The following MCHR2 variants were observed in gnomAD, a reference collection of about 807,000 sequenced individuals.
MCHR2 encodes melanin-concentrating hormone receptor 2.
Under a neutral mutation model 24.8 loss-of-function variants are expected in MCHR2, and 15 were observed. The observed-to-expected ratio is 0.60, with a 90% CI of 0.40 to 0.93. The LOEUF (loss-of-function observed/expected upper bound fraction) is 0.93, where lower values mean the gene tolerates loss of function less well. Among genes scored for constraint, MCHR2 ranks in the 40% least tolerant of loss-of-function variants. MCHR2 has a pLI of 0.00. For missense variants in MCHR2, 386 were observed against 408.7 expected, an observed-to-expected ratio of 0.94 and a Z score of 0.48; for synonymous variants, 151 against 147.6, an observed-to-expected ratio of 1.02 and a Z score of -0.17.
At chr6:99,924,812 A>G (rs1243447476) in intron 5 of MCHR2, among the ~76,000 whole-genome samples, 1 of 152,032 alleles carries the variant, frequency 6.6e-6, no homozygotes, top group East Asian at 1.9e-4. Context: ...TTGTTTTGTG[A>G]CCTAACATAT....
rs367659412 is a variant in MCHR2 at position 99,921,168 on chromosome 6, G to A, written c.795C>T (p.Ala265=). The A allele has an allele frequency of 2.5e-6, 4 of 1,614,076 alleles. No individual in the cohort carries two copies. Among genetic ancestry groups the A allele is most frequent in the East Asian group, 2.2e-5 (1 of 44,876 alleles). The part of the protein sequence containing the change: ...VLVVVFILSA[A]PYHVIQLVNL... ...TCACCAGTTGTATCACATGATAAGG[G>A]GCAGCACTCAGGATAAAGACTACCA... The change falls in exon 6 of 6, where the codon GCC becomes GCT. Residue 265 remains alanine (A), a synonymous_variant. Transcript: ENST00000281806.
chr6:99,986,007 A>T (rs1480132394), intron 1 of MCHR2, among the ~76,000 whole-genome samples: 1 of 152,054 alleles, frequency 6.6e-6, no homozygotes, highest in East Asian at 1.9e-4. Flanking sequence ...ATTAAAAAGC[A>T]AGCAATGGAC....
chr6:99,981,816 G>A (rs767089826), intron 1 of MCHR2, among the ~76,000 whole-genome samples: 13 of 150,862 alleles, frequency 8.6e-5, no homozygotes, highest in South Asian at 2.1e-4. Context: ...AGAAACAGTC[G>A]GTGATTAATT....
At chr6:99,944,296 GA>G (rs1233778141) in intron 3 of MCHR2, among the ~76,000 whole-genome samples, 7 of 152,178 alleles carry the variant, frequency 4.6e-5, no homozygotes, top group African/African-American at 1.4e-4. Context: ...AGCTGAGAAT[GA>G]AAAACAAGTT....
At chr6:99,967,659 G>A (rs1003455823) in intron 1 of MCHR2, among the ~76,000 whole-genome samples, 2 of 152,076 alleles carry the variant, frequency 1.3e-5, no homozygotes, top group Non-Finnish European at 2.9e-5. Context: ...ACTGCTAATG[G>A]AAAACCACTG....
At chr6:99,961,726 G>A (rs1296133082) in intron 1 of MCHR2, among the ~76,000 whole-genome samples, 1 of 152,044 alleles carries the variant, frequency 6.6e-6, no homozygotes, top group Non-Finnish European at 1.5e-5. Flanking sequence ...GGCTGGGAGA[G>A]GGATAGCATT....
intron 4 of MCHR2, among the ~76,000 whole-genome samples, chr6:99,941,620 G>T (rs750947114): frequency 5.3e-5 from 8 of 152,138 alleles, no homozygotes; most frequent in Non-Finnish European, 1.0e-4. Flanking sequence ...ACACAAGAGA[G>T]CTTGCTTCCT....
At chr6:99,982,240 C>T (rs1048419340) in intron 1 of MCHR2, among the ~76,000 whole-genome samples, 5 of 151,980 alleles carry the variant, frequency 3.3e-5, no homozygotes, top group African/African-American at 7.3e-5. Context: ...AAATCTGCCT[C>T]CTAAATTAAG....
At chr6:99,936,198 G>C (rs1293983755) in intron 4 of MCHR2, among the ~76,000 whole-genome samples, 2 of 151,888 alleles carry the variant, frequency 1.3e-5, no homozygotes, top group African/African-American at 4.8e-5. Flanking sequence ...AAGCTTTTTA[G>C]TTTGAGGTAA....
intron 5 of MCHR2, among the ~76,000 whole-genome samples, chr6:99,931,432 G>A (rs1774533298): frequency 6.6e-6 from 1 of 152,190 alleles, no homozygotes; most frequent in African/African-American, 2.4e-5. Flanking sequence ...TCTGTGCCCT[G>A]CCCCCAGAGG....
At chr6:99,972,294 G>T (rs1235829947) in intron 1 of MCHR2, among the ~76,000 whole-genome samples, 9 of 152,154 alleles carry the variant, frequency 5.9e-5, no homozygotes, top group Non-Finnish European at 1.3e-4. Flanking sequence ...TCTTGGGAGG[G>T]TGTATGTGTC....
At chr6:99,925,727 T>A (rs1774339210) in intron 5 of MCHR2, among the ~76,000 whole-genome samples, 1 of 151,982 alleles carries the variant, frequency 6.6e-6, no homozygotes, top group African/African-American at 2.4e-5. Flanking sequence ...TTTTAACTTT[T>A]TGTTGTTTCA....
At chr6:99,925,097 T>C (rs1774322334) in intron 5 of MCHR2, among the ~76,000 whole-genome samples, 1 of 152,152 alleles carries the variant, frequency 6.6e-6, no homozygotes, top group African/African-American at 2.4e-5. Context: ...TGGGTGAATA[T>C]ATATTTTAAA....
chr6:99,923,886 T>A (rs1290593581), intron 5 of MCHR2, among the ~76,000 whole-genome samples: 1 of 152,128 alleles, frequency 6.6e-6, no homozygotes, highest in African/African-American at 2.4e-5. Flanking sequence ...TTTTTTGTTG[T>A]GTCTTTGTCT....
At position 99,927,304 on chromosome 6, in the gene MCHR2, C is replaced by G. The variant is rs536155966; in HGVS notation, c.708-6049G>C. Among the ~76,000 whole-genome samples the G allele has an allele frequency of 2.0e-4, 30 of 152,164 alleles. 1 individual carries two copies. The East Asian group carries it at 2.5e-3, about 13-fold the overall frequency. ...AGCTTTGTTCTTTTGGCTTAGGATT[C>G]ACTTGGCGATGTGGGCTCTTTTTTG... is the stretch of plus-strand genomic sequence containing the variant. On this transcript the variant is annotated intron_variant, in intron 5 of 5. Coordinates refer to ENST00000281806, the MANE Select transcript of MCHR2 (RefSeq NM_001040179.2).
intron 5 of MCHR2, among the ~76,000 whole-genome samples, chr6:99,927,278 C>T (rs1368323773): frequency 1.3e-5 from 2 of 152,168 alleles, no homozygotes; most frequent in Non-Finnish European, 2.9e-5. Context: ...ATGATGCCTC[C>T]AGCTTTGTTC....
At chr6:99,967,290 A>G (rs1457666802) in intron 1 of MCHR2, among the ~76,000 whole-genome samples, 1 of 152,138 alleles carries the variant, frequency 6.6e-6, no homozygotes, top group Non-Finnish European at 1.5e-5. Context: ...CAATTTATTC[A>G]TGATGACTAG....
In MCHR2 at chr6:99,942,929, C is replaced by G; in HGVS notation, c.587+20G>C. 6.4e-7 allele frequency: 1 copy of G among 1,574,060 alleles called. No individual in the cohort carries two copies. The highest frequency in any genetic ancestry group is 8.6e-7 in the Non-Finnish European group (1 of 1,157,274). On this transcript the variant is annotated intron_variant, in intron 4 of 5. Coordinates refer to ENST00000281806, the MANE Select transcript of MCHR2 (RefSeq NM_001040179.2). ...TCACAACTTAATTCAACTCGTTTTTCTTAAGTTTTCACAACTTACCAGAGT... is the reference window on the plus strand; with the variant it reads ...TCACAACTTAATTCAACTCGTTTTTGTTAAGTTTTCACAACTTACCAGAGT...
chr6:99,985,447 C>A (rs1002316766), intron 1 of MCHR2, among the ~76,000 whole-genome samples: 5 of 152,036 alleles, frequency 3.3e-5, no homozygotes, highest in African/African-American at 1.2e-4. Context: ...CTATACTAAC[C>A]AAAACAGCAT....
Sources: gnomAD v4.1 joint callset for allele counts (sites outside exome capture counted in the v4.1 genomes callset) on GRCh38, gnomAD v4.1.1 for gene constraint, MANE v1.5 for transcripts, NCBI Gene and HGNC (gene_info 2026-07-23, HGNC 2026-07-21) for gene names.